ITGB3BP: variants seen among roughly 807,000 people sequenced by gnomAD.
The protein encoded by ITGB3BP is integrin subunit beta 3 binding protein, also known as centromere protein R.
ITGB3BP carries 27 observed loss-of-function variants against 29.1 expected under a neutral mutation model. The observed-to-expected ratio is 0.93, with a 90% confidence interval of 0.68 to 1.28. ITGB3BP has a LOEUF of 1.28. Among genes scored for constraint, ITGB3BP ranks in the 50% most tolerant of loss-of-function variants. The probability of loss-of-function intolerance (pLI) is 0.00; values close to 1 mark genes in which losing one functional copy is unlikely to be tolerated. For synonymous variants in ITGB3BP, 61 were observed against 61.4 expected (o/e 0.99, Z 0.03); for missense variants, 192 against 200.2 (o/e 0.96, Z 0.25).
chr1:63,498,678 C>A (rs1159181326), intron 2 of ITGB3BP, among the ~76,000 whole-genome samples: 13 of 146,784 alleles, frequency 8.9e-5, no homozygotes, highest in African/African-American at 3.3e-4. Flanking sequence ...AAACCCAAGG[C>A]AAGCAGAAGG....
chr1:63,524,807 G>A (rs1352321553), upstream of ITGB3BP, among the ~76,000 whole-genome samples: 1 of 151,926 alleles, frequency 6.6e-6, no homozygotes, highest in African/African-American at 2.4e-5. Flanking sequence ...CTGTAAAACG[G>A]ACAAAAAAAT....
intron 4 of ITGB3BP, among the ~76,000 whole-genome samples, chr1:63,477,817 C>G (rs900133148): frequency 1.3e-5 from 2 of 152,094 alleles, no homozygotes; most frequent in African/African-American, 2.4e-5. Context: ...AGAAGATACA[C>G]TGAAATGGTA....
intron 2 of ITGB3BP, among the ~76,000 whole-genome samples, chr1:63,505,267 C>T (rs969156721): frequency 6.6e-6 from 1 of 152,098 alleles, no homozygotes; most frequent in African/African-American, 2.4e-5. Context: ...GGAATTTATC[C>T]ATTTCTTCTA....
chr1:63,494,939 G>A (rs6680757), intron 2 of ITGB3BP, among the ~76,000 whole-genome samples: 142,050 of 152,162 alleles, frequency 0.93, 67,098 homozygotes, highest in East Asian at 1. Flanking sequence ...AGTAGCTGAG[G>A]CTATAGGCAC....
chr1:63,470,702 A>G (rs1645181097), intron 4 of ITGB3BP, among the ~76,000 whole-genome samples: 1 of 152,210 alleles, frequency 6.6e-6, no homozygotes, highest in Admixed American at 6.5e-5. Context: ...ACTAGGAATT[A>G]GACTGCAATG....
intron 1 of ITGB3BP, among the ~76,000 whole-genome samples, chr1:63,517,671 T>C (rs1010297317): frequency 6.6e-6 from 1 of 152,172 alleles, no homozygotes; most frequent in African/African-American, 2.4e-5. Flanking sequence ...TTTTTAGGAT[T>C]TTCTTCATAC....
chr1:63,473,480 T>C (rs1645252257), intron 4 of ITGB3BP, among the ~76,000 whole-genome samples: 1 of 124,684 alleles, frequency 8.0e-6, no homozygotes, highest in South Asian at 2.9e-4. Flanking sequence ...GGTGGGGGGG[T>C]CAGCCCCCCG....
chr1:63,496,894 A>G (rs1645800636), intron 2 of ITGB3BP, among the ~76,000 whole-genome samples: 1 of 152,214 alleles, frequency 6.6e-6, no homozygotes. Context: ...CTAGAGAGGA[A>G]CAAGGTTAGA....
chr1:63,444,493 T>TATGTATATATGTACATATATGTAGG (rs1644765755), intron 8 of ITGB3BP, among the ~76,000 whole-genome samples: 2 of 146,732 alleles, frequency 1.4e-5, no homozygotes, highest in African/African-American at 5.0e-5. Flanking sequence ...ATAGGATATA[T>TATGTATATATGTACATATATGTAGG]ATATTACATA....
chr1:63,493,094 G>A (rs961843791), intron 2 of ITGB3BP, among the ~76,000 whole-genome samples: 31 of 100,066 alleles, frequency 3.1e-4, no homozygotes, highest in African/African-American at 1.1e-3. Flanking sequence ...ACACACGCGC[G>A]CGCGCGCAAG....
intron 7 of ITGB3BP, chr1:63,447,695 AT>A: frequency 2.2e-6 from 1 of 455,818 alleles, no homozygotes; most frequent in Non-Finnish European, 4.4e-6. Context: ...GCTGGAGAGG[AT>A]GTGGAGAAAT....
chr1:63,494,842 G>A (rs1433362563), intron 2 of ITGB3BP, among the ~76,000 whole-genome samples: 3 of 151,792 alleles, frequency 2.0e-5, no homozygotes, highest in East Asian at 1.9e-4. Context: ...TTTCTCTGTC[G>A]CCTAGACTGA....
At chr1:63,505,124 G>A (rs1217624395) in intron 2 of ITGB3BP, among the ~76,000 whole-genome samples, 4 of 151,992 alleles carry the variant, frequency 2.6e-5, no homozygotes, top group Middle Eastern at 3.4e-3. Flanking sequence ...GAATTCGGCT[G>A]TGAATCCATC....
chr1:63,494,442 T>C (rs1570260547), intron 2 of ITGB3BP, among the ~76,000 whole-genome samples: 1 of 152,178 alleles, frequency 6.6e-6, no homozygotes, highest in Non-Finnish European at 1.5e-5. Context: ...TATCAGCTAC[T>C]ACAATTATCA....
At chr1:63,466,282 G>A (rs1645098920) in intron 4 of ITGB3BP, among the ~76,000 whole-genome samples, 2 of 152,280 alleles carry the variant, frequency 1.3e-5, no homozygotes, top group Admixed American at 6.5e-5. Context: ...ATTCAGTTCT[G>A]AGAAATGGTG....
At chr1:63,512,748 C>A (rs959255128) in intron 1 of ITGB3BP, among the ~76,000 whole-genome samples, 2 of 152,078 alleles carry the variant, frequency 1.3e-5, no homozygotes, top group Admixed American at 6.6e-5. Flanking sequence ...TCAGTGCTTC[C>A]ATTTACTCCA....
intron 1 of ITGB3BP, among the ~76,000 whole-genome samples, chr1:63,517,591 T>C (rs1162801512): frequency 6.6e-6 from 1 of 152,152 alleles, no homozygotes; most frequent in African/African-American, 2.4e-5. Context: ...TATAGAAATA[T>C]ATTGATCTTT....
At chr1:63,519,656 A>T (rs1646407158) in intron 1 of ITGB3BP, among the ~76,000 whole-genome samples, 1 of 152,148 alleles carries the variant, frequency 6.6e-6, no homozygotes, top group Non-Finnish European at 1.5e-5. Flanking sequence ...TATAATTCAA[A>T]GGATGTTTAT....
In ITGB3BP at chr1:63,453,174, G is replaced by C. The variant is rs183260654; in HGVS notation, c.484+744C>G. Among the ~76,000 whole-genome samples, 24 of 152,252 alleles carry C rather than the reference G, an allele frequency of 1.6e-4. No homozygotes were observed. The East Asian group carries it at 3.1e-3, about 20-fold the overall frequency. On this transcript the variant is annotated intron_variant, in intron 7 of 8. Transcript: ENST00000271002. Reference sequence around the variant, plus strand: ...AGTGTAGCTATCTTTCCACATTGCTGTAAAGATTTGCTGATCCTAGTATTC... The same window carrying C: ...AGTGTAGCTATCTTTCCACATTGCTCTAAAGATTTGCTGATCCTAGTATTC...
Sources: allele counts gnomAD v4.1 joint callset (sites outside exome capture counted in the v4.1 genomes callset), GRCh38; gene constraint gnomAD v4.1.1; transcripts MANE v1.5; gene names NCBI Gene and HGNC (gene_info 2026-07-23, HGNC 2026-07-21).